The following COL24A1 variants were observed in gnomAD, a reference collection of about 807,000 sequenced individuals.
COL24A1 encodes the protein collagen type XXIV alpha 1 chain, also known as collagen alpha-1(XXIV) chain.
Under a neutral mutation model 253.9 loss-of-function variants are expected in COL24A1, and 224 were observed. The ratio of observed to expected loss-of-function variants is 0.88; its 90% CI spans 0.79 to 0.99. The LOEUF (loss-of-function observed/expected upper bound fraction) is 0.99. Among genes scored for constraint, COL24A1 ranks in the 50% least tolerant of loss-of-function variants. COL24A1 has a pLI of 0.00. For synonymous variants in COL24A1, 685 were observed against 673.7 expected (o/e 1.02, Z -0.26); for missense variants, 2,131 against 2,068.5 (o/e 1.03, Z -0.59).
At chr1:85,977,263 C>T (rs1479995020) in intron 20 of COL24A1, among the ~76,000 whole-genome samples, 2 of 152,036 alleles carry the variant, frequency 1.3e-5, no homozygotes, top group African/African-American at 4.8e-5. Context: ...ACAGTCTATC[C>T]AAATGAGAAG....
intron 18 of COL24A1, 115 bp from the exon 19 acceptor site, chr1:86,017,319 C>T: frequency 1.0e-6 from 1 of 956,182 alleles, no homozygotes; most frequent in Non-Finnish European, 1.5e-6. Context: ...TCATGTCAAA[C>T]AAGGTTGTAA....
chr1:85,775,843 A>G, intron 52 of COL24A1, 134 bp from the exon 53 acceptor site: 1 of 658,516 alleles, frequency 1.5e-6, no homozygotes, highest in Non-Finnish European at 2.6e-6. Context: ...GTTTTGTTAA[A>G]TTGTATAAGT....
chr1:85,890,743 A>G (rs1683036892), intron 31 of COL24A1, among the ~76,000 whole-genome samples: 1 of 152,224 alleles, frequency 6.6e-6, no homozygotes, highest in Middle Eastern at 3.4e-3. Flanking sequence ...CCTTTTTCCA[A>G]AAATAATAAT....
At chr1:85,948,947 C>A (rs1689620637) in intron 24 of COL24A1, among the ~76,000 whole-genome samples, 1 of 151,898 alleles carries the variant, frequency 6.6e-6, no homozygotes. Context: ...AAAGAATTGC[C>A]AATTACTTAA....
At chr1:85,961,362 AT>A (rs1273900329) in intron 23 of COL24A1, 69 bp from the exon 24 acceptor site, 8 of 1,266,608 alleles carry the variant, frequency 6.3e-6, no homozygotes, top group Non-Finnish European at 9.1e-6. Flanking sequence ...GACAGTTTCA[AT>A]TTTCCTTTTT....
chr1:85,818,976 C>T (rs1179398197), intron 45 of COL24A1, among the ~76,000 whole-genome samples: 4 of 152,058 alleles, frequency 2.6e-5, no homozygotes, highest in Non-Finnish European at 4.4e-5. Context: ...TTTTTGACAA[C>T]CAGCTTAAAC....
intron 42 of COL24A1, 64 bp downstream of exon 42, chr1:85,841,158 G>A: frequency 8.9e-7 from 1 of 1,126,404 alleles, no homozygotes; most frequent in Non-Finnish European, 1.3e-6. Flanking sequence ...AATTGGTGTT[G>A]TGAATCTATT....
At chr1:85,904,133 AT>A (rs1324094383) in intron 28 of COL24A1, among the ~76,000 whole-genome samples, 1 of 152,172 alleles carries the variant, frequency 6.6e-6, no homozygotes, top group Non-Finnish European at 1.5e-5. Context: ...AACATTACAT[AT>A]TTTTAATAGA....
chr1:86,032,854 C>G (rs1489892719), intron 13 of COL24A1, among the ~76,000 whole-genome samples: 1 of 152,096 alleles, frequency 6.6e-6, no homozygotes. Context: ...GGAGTCTTAA[C>G]AGACTTCATG....
At chr1:85,747,231 A>G (rs896631266) in intron 55 of COL24A1, among the ~76,000 whole-genome samples, 30 of 150,050 alleles carry the variant, frequency 2.0e-4, no homozygotes, top group Non-Finnish European at 3.4e-4. Context: ...CCTGCCTCTC[A>G]GCCTCCCAAG....
At chr1:86,145,217 G>A (rs1488700889) in intron 2 of COL24A1, among the ~76,000 whole-genome samples, 1 of 151,882 alleles carries the variant, frequency 6.6e-6, no homozygotes, top group Admixed American at 6.6e-5. Context: ...TTTTCTTACT[G>A]TTATTTGATC....
intron 47 of COL24A1, among the ~76,000 whole-genome samples, chr1:85,793,074 C>CT (rs1297784486): frequency 6.6e-6 from 1 of 151,088 alleles, no homozygotes; most frequent in Admixed American, 6.6e-5. Context: ...GCATTTTTTC[C>CT]TTTTTTTTCA....
intron 24 of COL24A1, among the ~76,000 whole-genome samples, chr1:85,926,654 C>T (rs1369864567): frequency 5.4e-5 from 8 of 147,428 alleles, no homozygotes; most frequent in East Asian, 4.1e-4. Context: ...ACATCACACA[C>T]GGGGGCCTGT....
In COL24A1 at chr1:85,744,702, T is replaced by G; in HGVS notation, c.4636A>C (p.Lys1546Gln). ...GTRDNPARIC[K>Q]DLLNCEQKVS... is the part of the protein sequence containing the mutation. ...TTTTGTTCACAGTTAAGTAAATCTTTGCAGATTCGTGCTGGGTTATCTCGT... is the reference window on the plus strand; with the variant it reads ...TTTTGTTCACAGTTAAGTAAATCTTGGCAGATTCGTGCTGGGTTATCTCGT... The change falls in exon 57 of 60, where the codon AAA becomes CAA. Residue 1546 changes from lysine to glutamine, a missense_variant. By Grantham distance (53) the Lys-to-Gln change is moderately conservative. Coordinates refer to ENST00000370571, the MANE Select transcript of COL24A1 (RefSeq NM_152890.7). 6.2e-7 allele frequency: 1 copy of G among 1,609,474 alleles called. No individual in the cohort carries two copies. Among genetic ancestry groups the G allele is most frequent in the Non-Finnish European group, 8.5e-7 (1 of 1,178,514 alleles).
rs151290422 is a variant in COL24A1, at chr1:86,074,835, T to C, written c.1708-11076A>G. Among the ~76,000 whole-genome samples the C allele has an allele frequency of 8.7e-3, 1,329 of 152,188 alleles. 17 individuals carry two copies. The highest frequency in any genetic ancestry group is 0.03 in the African/African-American group (1,257 of 41,532). Reference sequence around the variant, plus strand: ...ATAACAAAATTAAGGCAGAAATAAATAAGTTCTTTGAAACCAATGAGAACA... The same window carrying C: ...ATAACAAAATTAAGGCAGAAATAAACAAGTTCTTTGAAACCAATGAGAACA... On this transcript the variant is annotated intron_variant, in intron 7 of 59. Coordinates refer to ENST00000370571, the MANE Select transcript of COL24A1 (RefSeq NM_152890.7).
intron 43 of COL24A1, among the ~76,000 whole-genome samples, chr1:85,832,502 T>A (rs1011451058): frequency 3.3e-5 from 5 of 151,324 alleles, no homozygotes; most frequent in African/African-American, 9.7e-5. Flanking sequence ...ATTGAATCTG[T>A]AAATTACCTT....
At chr1:85,852,212 T>A (rs1301204880) in intron 37 of COL24A1, among the ~76,000 whole-genome samples, 1 of 152,194 alleles carries the variant, frequency 6.6e-6, no homozygotes, top group Non-Finnish European at 1.5e-5. Flanking sequence ...TCCTTATAGA[T>A]CTGTAGTGCA....
chr1:85,876,911 C>A (rs1681232522), intron 33 of COL24A1, among the ~76,000 whole-genome samples: 1 of 151,964 alleles, frequency 6.6e-6, no homozygotes, highest in South Asian at 2.1e-4. Context: ...TCTGTCATTT[C>A]AATGAGGTAA....
chr1:86,012,651 C>A (rs1195306691), intron 19 of COL24A1, among the ~76,000 whole-genome samples: 3 of 152,094 alleles, frequency 2.0e-5, no homozygotes, highest in Non-Finnish European at 2.9e-5. Context: ...TTTCTCCCCA[C>A]AGTCTTATGT....
Sources: gnomAD v4.1 joint callset for allele counts (sites outside exome capture counted in the v4.1 genomes callset) on GRCh38, gnomAD v4.1.1 for gene constraint, MANE v1.5 for transcripts, NCBI Gene and HGNC (gene_info 2026-07-23, HGNC 2026-07-21) for gene names.